ADGRL3: variants seen among roughly 807,000 people sequenced by gnomAD.
The protein encoded by ADGRL3 is calcium-independent alpha-latrotoxin receptor 3.
ADGRL3 carries 62 observed loss-of-function variants against 153.5 expected under a neutral mutation model. The ratio of observed to expected loss-of-function variants is 0.40; its 90% CI spans 0.33 to 0.50. The LOEUF (loss-of-function observed/expected upper bound fraction) is 0.50, where lower values mean the gene tolerates loss of function less well. Ranked by LOEUF, ADGRL3 falls within the 20% of genes least tolerant of loss-of-function variation. ADGRL3 has a pLI of 0.47. For synonymous variants in ADGRL3, 710 were observed against 672.5 expected (o/e 1.06, Z -0.86); for missense variants, 1,641 against 1,859.4 (o/e 0.88, Z 2.16).
chr4:61,431,237 G>A (rs539578633), intron 2 of ADGRL3, among the ~76,000 whole-genome samples: 6 of 152,264 alleles, frequency 3.9e-5, no homozygotes, highest in African/African-American at 1.4e-4. Context: ...CACTGACCAC[G>A]AAATAGGATC....
intron 1 of ADGRL3, among the ~76,000 whole-genome samples, chr4:61,227,425 C>T (rs1302730271): frequency 6.6e-6 from 1 of 152,002 alleles, no homozygotes; most frequent in African/African-American, 2.4e-5. Flanking sequence ...CCCAGGCTGG[C>T]CTTGAACTCC....
intron 17 of ADGRL3, among the ~76,000 whole-genome samples, chr4:61,952,395 C>T (rs781069443): frequency 6.5e-4 from 98 of 151,286 alleles, no homozygotes; most frequent in Non-Finnish European, 7.1e-4. Context: ...GGGAGGATTG[C>T]TTGAGCCTGG....
chr4:61,250,285 A>G (rs1758735203), intron 1 of ADGRL3, among the ~76,000 whole-genome samples: 1 of 152,196 alleles, frequency 6.6e-6, no homozygotes, highest in Admixed American at 6.5e-5. Context: ...ATTCAATGGC[A>G]GTGAGGAACC....
chr4:61,802,628 T>A (rs1252212419), intron 8 of ADGRL3, among the ~76,000 whole-genome samples: 5 of 152,252 alleles, frequency 3.3e-5, no homozygotes, highest in Middle Eastern at 3.4e-3. Context: ...ACCCTCTGAA[T>A]GGCCAGACCT....
intron 13 of ADGRL3, among the ~76,000 whole-genome samples, chr4:61,915,481 A>G (rs1285269309): frequency 1.3e-5 from 2 of 151,988 alleles, no homozygotes; most frequent in African/African-American, 2.4e-5. Flanking sequence ...CTTTGGGATA[A>G]TTAGTCTTTT....
chr4:61,686,408 T>C (rs1463592841), intron 6 of ADGRL3, among the ~76,000 whole-genome samples: 1 of 152,138 alleles, frequency 6.6e-6, no homozygotes, highest in Admixed American at 6.6e-5. Context: ...ATTGTTGATT[T>C]TCTTCTACTC....
chr4:61,330,797 A>G (rs1200845013), intron 1 of ADGRL3, among the ~76,000 whole-genome samples: 1 of 151,968 alleles, frequency 6.6e-6, no homozygotes, highest in South Asian at 2.1e-4. Flanking sequence ...GTCCCCACCC[A>G]TGGTCTGCTG....
chr4:61,299,420 ATT>A (rs2094512542), intron 1 of ADGRL3, among the ~76,000 whole-genome samples: 1 of 152,108 alleles, frequency 6.6e-6, no homozygotes, highest in Admixed American at 6.6e-5. Context: ...TCCTCAGTTA[ATT>A]TCTTTCTTAT....
chr4:61,750,555 G>T (rs1054328094), intron 8 of ADGRL3, among the ~76,000 whole-genome samples: 8 of 152,112 alleles, frequency 5.3e-5, no homozygotes, highest in African/African-American at 1.9e-4. Flanking sequence ...ACTTTGGGAG[G>T]CCGAGGCGGG....
intron 8 of ADGRL3, among the ~76,000 whole-genome samples, chr4:61,770,748 C>A (rs1211378538): frequency 6.6e-6 from 1 of 152,122 alleles, no homozygotes; most frequent in Non-Finnish European, 1.5e-5. Flanking sequence ...GCTGACCTAC[C>A]TATCAAATTA....
At position 61,422,376 on chromosome 4, in the gene ADGRL3, T is replaced by C. The variant is rs188749592; in HGVS notation, c.-174+39187T>C. 9.6e-4 allele frequency among the ~76,000 whole-genome samples: 146 copies of C among 152,294 alleles called. 1 individual carries two copies. The highest frequency in any genetic ancestry group is 3.3e-3 in the African/African-American group (137 of 41,572). ...CAGTAGTTTCTTTCATTTCTCATCA[T>C]GTATTTTCAGCCAAGATTGTGGCAA... On this transcript the variant is annotated intron_variant, in intron 2 of 26. Coordinates refer to ENST00000683033, the MANE Select transcript of ADGRL3 (RefSeq NM_001387552.1).
intron 2 of ADGRL3, among the ~76,000 whole-genome samples, chr4:61,415,687 C>A (rs2097136894): frequency 6.6e-6 from 1 of 151,618 alleles, no homozygotes; most frequent in Admixed American, 6.6e-5. Flanking sequence ...CTCCCTTTAA[C>A]CTTCTCTTCT....
chr4:61,504,341 GAATTTTTTTAAAAAAAT>G lies in ADGRL3; in HGVS notation c.55+7001_55+7017del, dbSNP rs535672942. On this transcript the variant is annotated intron_variant, in intron 3 of 26. Transcript: ENST00000683033. ...TTCCTCAAAGTAGTTCATTCATTCA[GAATTTTTTTAAAAAAAT>G]AATTTTTAATCATTATGGATATTTA... 8.6e-4 allele frequency among the ~76,000 whole-genome samples: 131 copies of G among 152,048 alleles called. 1 individual carries two copies. Among genetic ancestry groups the G allele is most frequent in the Admixed American group, 4.2e-3 (64 of 15,262 alleles).
In ADGRL3 at chr4:61,443,213, G is replaced by A. The variant is rs562530876; in HGVS notation, c.-173-53908G>A. 3.3e-5 allele frequency among the ~76,000 whole-genome samples: 5 copies of A among 152,154 alleles called. No individual in the cohort carries two copies. In the East Asian group the frequency reaches 9.7e-4, roughly 29 times the overall value. The stretch of plus-strand genomic sequence containing the variant: ...TTTACCAGCAACTGAAGTAATTTTC[G>A]AAATCCTATTAGACATACATAGCTA... On this transcript the variant is annotated intron_variant, in intron 2 of 26. Coordinates refer to ENST00000683033, the MANE Select transcript of ADGRL3 (RefSeq NM_001387552.1).
intron 8 of ADGRL3, among the ~76,000 whole-genome samples, chr4:61,749,625 T>C (rs145403913): frequency 0.087 from 13,145 of 151,496 alleles, 1,205 homozygotes; most frequent in African/African-American, 0.23. Flanking sequence ...AACCAAACAC[T>C]GCATATTCTC....
rs184360980 is a variant in ADGRL3 at position 61,786,968 on chromosome 4, C to T, written c.1400-26841C>T. Among the ~76,000 whole-genome samples the T allele has an allele frequency of 5.6e-3, 848 of 152,178 alleles. 12 individuals carry two copies. The highest frequency in any genetic ancestry group is 0.035 in the South Asian group (169 of 4,824). On this transcript the variant is annotated intron_variant, in intron 8 of 26. Transcript: ENST00000683033. ...GAATAAACTTGTCACACTGCTAATA[C>T]TGTGATGCTAAGACTGATGGCATTC... is the stretch of plus-strand genomic sequence containing the variant.
chr4:62,018,343 T>C (rs1210426237), intron 21 of ADGRL3, among the ~76,000 whole-genome samples: 1 of 152,086 alleles, frequency 6.6e-6, no homozygotes, highest in African/African-American at 2.4e-5. Context: ...ATTGAGTAGA[T>C]CAGTTAGGAG....
chr4:61,707,587 G>A (rs2095877329), intron 6 of ADGRL3, among the ~76,000 whole-genome samples: 1 of 152,038 alleles, frequency 6.6e-6, no homozygotes, highest in Non-Finnish European at 1.5e-5. Flanking sequence ...TTAAGGTTAT[G>A]TTAGATTAAT....
At chr4:61,789,296 T>TGC (rs1561253751) in intron 8 of ADGRL3, among the ~76,000 whole-genome samples, 2 of 152,162 alleles carry the variant, frequency 1.3e-5, no homozygotes, top group African/African-American at 4.8e-5. Context: ...TGTGTGTGTG[T>TGC]GTACACACAC....
Sources: allele counts gnomAD v4.1 joint callset (sites outside exome capture counted in the v4.1 genomes callset), GRCh38; gene constraint gnomAD v4.1.1; transcripts MANE v1.5; gene names NCBI Gene and HGNC (gene_info 2026-07-23, HGNC 2026-07-21).